Variants in KHDRBS2 observed in about 807,000 individuals in gnomAD.
KHDRBS2 encodes the protein KH domain-containing, RNA-binding, signal transduction-associated protein 2.
Under a neutral mutation model 44.3 loss-of-function variants are expected in KHDRBS2, and 26 were observed. The observed-to-expected ratio is 0.59, with a 90% CI of 0.43 to 0.81. The LOEUF is 0.81. Among genes scored for constraint, KHDRBS2 ranks in the 40% least tolerant of loss-of-function variants. The probability of loss-of-function intolerance (pLI) is 0.00; values close to 1 mark genes in which losing one functional copy is unlikely to be tolerated. For synonymous variants in KHDRBS2, 194 were observed against 151.1 expected, an observed-to-expected ratio of 1.28 and a Z score of -2.08; for missense variants, 476 against 433.1, an observed-to-expected ratio of 1.10 and a Z score of -0.88.
intron 2 of KHDRBS2, among the ~76,000 whole-genome samples, chr6:62,151,073 AG>A (rs927166056): frequency 2.6e-5 from 4 of 152,160 alleles, no homozygotes; most frequent in Admixed American, 6.5e-5. Context: ...TAGCAGGGTC[AG>A]GGGTGGGAGC....
the KHDRBS2 span, among the ~76,000 whole-genome samples, chr6:61,580,390 C>A: frequency 6.6e-6 from 1 of 152,106 alleles, no homozygotes; most frequent in Non-Finnish European, 1.5e-5. Context: ...GTAAAATAGA[C>A]CAATCAGCAG....
At chr6:61,579,282 G>A in the KHDRBS2 span, among the ~76,000 whole-genome samples, 3 of 152,102 alleles carry the variant, frequency 2.0e-5, no homozygotes, top group Non-Finnish European at 4.4e-5. Flanking sequence ...TGGACTCCGT[G>A]TCTGGAAATG....
chr6:61,936,282 T>C (rs1399198106), intron 4 of KHDRBS2, among the ~76,000 whole-genome samples: 1 of 152,090 alleles, frequency 6.6e-6, no homozygotes, highest in Admixed American at 6.6e-5. Context: ...GAAATACATG[T>C]TTTGTTTTAT....
At chr6:61,794,058 T>A (rs1784992065) in intron 6 of KHDRBS2, among the ~76,000 whole-genome samples, 1 of 152,190 alleles carries the variant, frequency 6.6e-6, no homozygotes. Context: ...AGGTGTTAAA[T>A]ATATAGAATG....
chr6:62,058,685 GAGT>G (rs1408773712), intron 2 of KHDRBS2, among the ~76,000 whole-genome samples: 2 of 151,824 alleles, frequency 1.3e-5, no homozygotes, highest in Admixed American at 1.3e-4. Context: ...TATTAGAATA[GAGT>G]AGAACATTAT....
rs1383949722 is a variant in KHDRBS2, at chr6:62,195,289, T to C, written c.92-17977A>G. Among the ~76,000 whole-genome samples the C allele has an allele frequency of 7.2e-5, 11 of 152,346 alleles. No individual in the cohort carries two copies. In the East Asian group the frequency reaches 2.1e-3, roughly 29 times the overall value. On this transcript the variant is annotated intron_variant, in intron 1 of 8. Transcript: ENST00000281156. ...TTTGCATCCTGCAACCTTGCTAAACTCACTTATTAGTTCTAATATTTTTGT... is the reference window on the plus strand; with the variant it reads ...TTTGCATCCTGCAACCTTGCTAAACCCACTTATTAGTTCTAATATTTTTGT...
intron 3 of KHDRBS2, among the ~76,000 whole-genome samples, chr6:62,032,105 G>A (rs1784435364): frequency 6.6e-6 from 1 of 152,050 alleles, no homozygotes; most frequent in South Asian, 2.1e-4. Flanking sequence ...TTAATCCAGA[G>A]AATTCTCCTG....
At chr6:62,040,142 A>G (rs1786138335) in intron 3 of KHDRBS2, among the ~76,000 whole-genome samples, 1 of 152,054 alleles carries the variant, frequency 6.6e-6, no homozygotes, top group Admixed American at 6.6e-5. Flanking sequence ...CATGTGCTTC[A>G]ATTATTTGAC....
chr6:61,600,184 A>C, the KHDRBS2 span, among the ~76,000 whole-genome samples: 1 of 152,292 alleles, frequency 6.6e-6, no homozygotes, highest in South Asian at 2.1e-4. Context: ...ATGAGTGGTA[A>C]GTGTCAGGCC....
intron 2 of KHDRBS2, among the ~76,000 whole-genome samples, chr6:62,150,012 A>C (rs1814776744): frequency 6.6e-6 from 1 of 152,208 alleles, no homozygotes; most frequent in African/African-American, 2.4e-5. Context: ...AATGTAAAAC[A>C]CACAGCTCTG....
intron 2 of KHDRBS2, among the ~76,000 whole-genome samples, chr6:62,165,857 C>T (rs1165784950): frequency 1.3e-5 from 2 of 151,874 alleles, no homozygotes; most frequent in African/African-American, 2.4e-5. Flanking sequence ...TTTAAGTGCA[C>T]GAATACGTGG....
At position 62,117,893 on chromosome 6, in the gene KHDRBS2, A is replaced by G. The variant is rs574558767; in HGVS notation, c.219+59292T>C. Among the ~76,000 whole-genome samples the G allele has an allele frequency of 1.1e-4, 16 of 151,978 alleles. No homozygotes were observed. In the Middle Eastern group the frequency reaches 0.01, roughly 97 times the overall value. Reference sequence around the variant, plus strand: ...TCGGTTTAAGTGATTTTCCTGTTTCAGTCTCCCGAGTAGCTTGGATTACAG... The same window carrying G: ...TCGGTTTAAGTGATTTTCCTGTTTCGGTCTCCCGAGTAGCTTGGATTACAG... On this transcript the variant is annotated intron_variant, in intron 2 of 8. Transcript: ENST00000281156.
chr6:61,966,158 T>C (rs1324780011), intron 4 of KHDRBS2, among the ~76,000 whole-genome samples: 1 of 151,984 alleles, frequency 6.6e-6, no homozygotes, highest in Non-Finnish European at 1.5e-5. Context: ...AATCTGAAAA[T>C]GAGAATTACA....
chr6:62,190,725 C>A (rs2150131207), intron 1 of KHDRBS2, among the ~76,000 whole-genome samples: 1 of 152,138 alleles, frequency 6.6e-6, no homozygotes, highest in South Asian at 2.1e-4. Context: ...AGCTCTAAAA[C>A]CTATTCTTTC....
chr6:61,779,669 C>T (rs1418110291), intron 6 of KHDRBS2, among the ~76,000 whole-genome samples: 7 of 82,030 alleles, frequency 8.5e-5, no homozygotes, highest in African/African-American at 1.4e-4. Context: ...GCAGAAATGA[C>T]GTGTTATAAT....
At chr6:61,612,897 G>A in the KHDRBS2 span, among the ~76,000 whole-genome samples, 1 of 125,116 alleles carries the variant, frequency 8.0e-6, no homozygotes, top group Non-Finnish European at 1.6e-5. Flanking sequence ...CTGTCGCCCA[G>A]GCTGGAGTGC....
the KHDRBS2 span, among the ~76,000 whole-genome samples, chr6:61,550,503 A>T: frequency 2.3e-4 from 35 of 152,142 alleles, no homozygotes; most frequent in Admixed American, 2.2e-3. Context: ...GAACAATATG[A>T]GTGCATGTGT....
At chr6:61,759,158 C>A (rs1778920285) in intron 6 of KHDRBS2, among the ~76,000 whole-genome samples, 1 of 152,050 alleles carries the variant, frequency 6.6e-6, no homozygotes, top group Non-Finnish European at 1.5e-5. Flanking sequence ...GTCACTATTT[C>A]TTTGTTCAAA....
chr6:61,745,906 G>C (rs1776792810), intron 6 of KHDRBS2, among the ~76,000 whole-genome samples: 1 of 151,942 alleles, frequency 6.6e-6, no homozygotes, highest in Admixed American at 6.6e-5. Context: ...TGATAATTGT[G>C]TTCTCCTTAA....
Sources: gnomAD v4.1 joint callset for allele counts (sites outside exome capture counted in the v4.1 genomes callset) on GRCh38, gnomAD v4.1.1 for gene constraint, MANE v1.5 for transcripts, NCBI Gene and HGNC (gene_info 2026-07-23, HGNC 2026-07-21) for gene names.